The following TIAM2 variants were observed in gnomAD, a reference collection of about 807,000 sequenced individuals.
TIAM2 encodes the protein TIAM Rac1 associated GEF 2.
A neutral mutation model predicts 152.9 loss-of-function variants in TIAM2; 80 were observed. The ratio of observed to expected loss-of-function variants is 0.52; its 90% CI spans 0.44 to 0.63. The LOEUF (loss-of-function observed/expected upper bound fraction) is 0.63, where lower values mean the gene tolerates loss of function less well. Ranked by LOEUF, TIAM2 falls within the 30% of genes least tolerant of loss-of-function variation. The probability of loss-of-function intolerance (pLI) is 0.00; values close to 1 mark genes in which losing one functional copy is unlikely to be tolerated. For missense variants in TIAM2, 1,965 were observed against 2,120.1 expected (o/e 0.93, Z 1.44); for synonymous variants, 804 against 838.0 (o/e 0.96, Z 0.70).
chr6:155,030,941 G>A (rs1776810497), intron 1 of TIAM2, among the ~76,000 whole-genome samples: 1 of 152,118 alleles, frequency 6.6e-6, no homozygotes, highest in African/African-American at 2.4e-5. Context: ...GCATAGTAAT[G>A]GTGCCAAAAG....
chr6:155,171,105 G>A (rs184824160), intron 9 of TIAM2, among the ~76,000 whole-genome samples: 4 of 152,184 alleles, frequency 2.6e-5, no homozygotes, highest in East Asian at 1.9e-4. Context: ...AGTACATTAC[G>A]CCCATTTCTA....
In TIAM2 at chr6:155,179,354, TTTTG is replaced by T. The variant is rs1780837388; in HGVS notation, c.2629-21_2629-18del. The T allele has an allele frequency of 6.2e-7, 1 of 1,609,952 alleles. No individual in the cohort carries two copies. The highest frequency in any genetic ancestry group is 1.3e-5 in the African/African-American group (1 of 74,826). ...GGTATCATAACATGAGATCCTCTGA[TTTTG>T]TTGTTTTCACCTTTTGCAGGTTTAT... On this transcript the variant is annotated intron_variant, in intron 11 of 26. Coordinates refer to ENST00000682666, the MANE Select transcript of TIAM2 (RefSeq NM_012454.4).
At chr6:155,015,290 G>A (rs900588449) in intron 1 of TIAM2, among the ~76,000 whole-genome samples, 2 of 152,140 alleles carry the variant, frequency 1.3e-5, no homozygotes, top group African/African-American at 4.8e-5. Context: ...TTACATTTGG[G>A]TCAAGTCAAG....
intron 1 of TIAM2, among the ~76,000 whole-genome samples, chr6:155,017,189 T>C (rs1778606407): frequency 6.6e-6 from 1 of 152,100 alleles, no homozygotes; most frequent in Admixed American, 6.6e-5. Flanking sequence ...GGAGCAGGGA[T>C]GGAATGATGG....
At chr6:155,183,097 C>A in intron 13 of TIAM2, 140 bp from the exon 14 acceptor site, 1 of 1,080,720 alleles carries the variant, frequency 9.3e-7, no homozygotes. Context: ...CTGTGCCTGG[C>A]TGGCACTTTC....
At chr6:155,006,014 G>T (rs1778395387) in intron 1 of TIAM2, among the ~76,000 whole-genome samples, 1 of 152,188 alleles carries the variant, frequency 6.6e-6, no homozygotes, top group Non-Finnish European at 1.5e-5. Context: ...GGTGGGTAAG[G>T]AGGAGCCACT....
chr6:155,206,411 A>AT (rs749305519), intron 14 of TIAM2, among the ~76,000 whole-genome samples: 7 of 151,918 alleles, frequency 4.6e-5, no homozygotes, highest in Admixed American at 2.6e-4. Context: ...AATTTTTTGT[A>AT]TTTTTAGTAG....
At chr6:155,163,674 G>A (rs918069138) in intron 7 of TIAM2, among the ~76,000 whole-genome samples, 2 of 152,176 alleles carry the variant, frequency 1.3e-5, no homozygotes, top group Admixed American at 1.3e-4. Flanking sequence ...TACTCAGAAT[G>A]AACAGAAACA....
intron 14 of TIAM2, among the ~76,000 whole-genome samples, chr6:155,191,660 C>T (rs112733620): frequency 1.4e-4 from 21 of 152,012 alleles, no homozygotes; most frequent in African/African-American, 4.8e-4. Context: ...GGCGTTGTGG[C>T]GCACACCTGT....
intron 17 of TIAM2, 132 bp downstream of exon 17, chr6:155,244,211 T>C: frequency 1.2e-6 from 1 of 869,108 alleles, no homozygotes; most frequent in Non-Finnish European, 1.8e-6. Context: ...CTTCTGAGAG[T>C]CCCAGGCATA....
At chr6:155,118,997 T>G (rs1391929599) in intron 2 of TIAM2, among the ~76,000 whole-genome samples, 4 of 151,968 alleles carry the variant, frequency 2.6e-5, no homozygotes, top group African/African-American at 9.7e-5. Context: ...TCTGAAGTGT[T>G]TGCCTTGGAC....
intron 1 of TIAM2, among the ~76,000 whole-genome samples, chr6:155,081,399 T>G (rs1233598427): frequency 9.9e-5 from 7 of 70,922 alleles, no homozygotes; most frequent in Admixed American, 1.8e-4. Context: ...TATAAATGAG[T>G]CTTCTGAAAA....
At chr6:155,241,867 A>T (rs1437720963) in intron 16 of TIAM2, among the ~76,000 whole-genome samples, 1 of 152,216 alleles carries the variant, frequency 6.6e-6, no homozygotes, top group Admixed American at 6.5e-5. Flanking sequence ...GGCGCTGTAG[A>T]TATTTTGGAA....
chr6:155,149,715 G>A (rs1779903637), intron 7 of TIAM2, among the ~76,000 whole-genome samples: 1 of 152,074 alleles, frequency 6.6e-6, no homozygotes, highest in Non-Finnish European at 1.5e-5. Context: ...CTGAGGTCAG[G>A]AGTTTGAGAC....
chr6:155,091,696 CT>C (rs769618173), intron 2 of TIAM2, among the ~76,000 whole-genome samples: 1 of 151,796 alleles, frequency 6.6e-6, no homozygotes, highest in East Asian at 1.9e-4. Flanking sequence ...TGACCTTTTT[CT>C]TTTTTTTATC....
chr6:155,036,784 AT>A (rs1252884808), intron 1 of TIAM2, among the ~76,000 whole-genome samples: 1 of 151,392 alleles, frequency 6.6e-6, no homozygotes, highest in African/African-American at 2.4e-5. Flanking sequence ...CGCCCAGCTA[AT>A]TTTTTTATTT....
Position 155,109,675 on chromosome 6 carries a change from G to A in TIAM2, c.-117-17815G>A, listed in dbSNP as rs541718321. On this transcript the variant is annotated intron_variant, in intron 2 of 26. Coordinates refer to ENST00000682666, the MANE Select transcript of TIAM2 (RefSeq NM_012454.4). ...GGTCTTTATAGTCCATAGTATTGTA[G>A]AGATAGAACGTTAGAGCTGAAAATG... is the stretch of plus-strand genomic sequence containing the variant. Among the ~76,000 whole-genome samples, 6 of 152,258 alleles carry A rather than the reference G, an allele frequency of 3.9e-5. No individual in the cohort carries two copies. The South Asian group carries it at 1.2e-3, about 32-fold the overall frequency.
chr6:155,029,782 TG>T (rs1435156634), intron 1 of TIAM2, among the ~76,000 whole-genome samples: 1 of 133,778 alleles, frequency 7.5e-6, no homozygotes, highest in African/African-American at 2.8e-5. Flanking sequence ...AAAGACTTTT[TG>T]TGTTTTTTTT....
rs143428782 is a variant in TIAM2, at chr6:155,197,561, T to C, written c.3065-13643T>C. Among the ~76,000 whole-genome samples, 849 of 152,220 alleles carry C rather than the reference T, an allele frequency of 5.6e-3. 12 individuals carry two copies. The highest frequency in any genetic ancestry group is 4.6e-3 in the Non-Finnish European group (316 of 68,008). ...CCTTGAATGTATTGGTCTGTTCTTA[T>C]GCTGCTAATACAGACATACCCGAGA... On this transcript the variant is annotated intron_variant, in intron 14 of 26. Transcript: ENST00000682666.
Sources: gnomAD v4.1 joint callset for allele counts (sites outside exome capture counted in the v4.1 genomes callset) on GRCh38, gnomAD v4.1.1 for gene constraint, MANE v1.5 for transcripts, NCBI Gene and HGNC (gene_info 2026-07-23, HGNC 2026-07-21) for gene names.